NKAIN3: variants seen among roughly 807,000 people sequenced by gnomAD.
The protein encoded by NKAIN3 is sodium/potassium-transporting ATPase subunit beta-1-interacting protein 3.
Under a neutral mutation model 30.2 loss-of-function variants are expected in NKAIN3, and 25 were observed. That is an observed-to-expected ratio of 0.83 (90% CI 0.60 to 1.16). The LOEUF (loss-of-function observed/expected upper bound fraction) is 1.16, where lower values mean the gene tolerates loss of function less well. Ranked by LOEUF, NKAIN3 falls within the 50% of genes most tolerant of loss-of-function variation. The pLI is 0.00. For missense variants in NKAIN3, 225 were observed against 254.1 expected (o/e 0.89, Z 0.78); for synonymous variants, 91 against 89.6 (o/e 1.02, Z -0.09).
intron 1 of NKAIN3, among the ~76,000 whole-genome samples, chr8:62,254,452 A>T (rs2129387285): frequency 6.6e-6 from 1 of 152,244 alleles, no homozygotes; most frequent in East Asian, 1.9e-4. Flanking sequence ...TGAGTAGAGA[A>T]CAAGGAGCCA....
At chr8:62,680,156 C>T (rs1281044888) in intron 3 of NKAIN3, among the ~76,000 whole-genome samples, 1 of 152,116 alleles carries the variant, frequency 6.6e-6, no homozygotes, top group African/African-American at 2.4e-5. Flanking sequence ...TAGAGTAACC[C>T]CGGGCTAACA....
At chr8:62,293,146 G>C (rs1813708154) in intron 1 of NKAIN3, among the ~76,000 whole-genome samples, 1 of 151,862 alleles carries the variant, frequency 6.6e-6, no homozygotes, top group African/African-American at 2.4e-5. Flanking sequence ...CTTTTTTCAA[G>C]GTTTTTAGCT....
chr8:62,562,505 G>T lies in NKAIN3; in HGVS notation c.55-17034G>T, dbSNP rs1457024525. Among the ~76,000 whole-genome samples, 6 of 152,102 alleles carry T rather than the reference G, an allele frequency of 3.9e-5. No individual in the cohort carries two copies. The East Asian group carries it at 1.2e-3, about 29-fold the overall frequency. ...CCAAGGACACATTCTACTGTCAGTGGTTTACTGCAACTGTCAATGGTTTAC... is the reference window on the plus strand; with the variant it reads ...CCAAGGACACATTCTACTGTCAGTGTTTTACTGCAACTGTCAATGGTTTAC... On this transcript the variant is annotated intron_variant, in intron 1 of 6. Coordinates refer to ENST00000623646, the MANE Select transcript of NKAIN3 (RefSeq NM_001304533.3).
intron 1 of NKAIN3, among the ~76,000 whole-genome samples, chr8:62,354,759 C>T (rs1165912360): frequency 1.3e-5 from 2 of 152,118 alleles, no homozygotes; most frequent in Admixed American, 6.6e-5. Context: ...TTCTTATACA[C>T]GGAATGACAA....
chr8:62,607,949 C>A (rs567886905), intron 3 of NKAIN3, among the ~76,000 whole-genome samples: 2 of 152,234 alleles, frequency 1.3e-5, no homozygotes, highest in East Asian at 1.9e-4. Context: ...TCCTAGCAAG[C>A]ATAATCTTGC....
At chr8:62,336,914 G>C (rs1345591674) in intron 1 of NKAIN3, among the ~76,000 whole-genome samples, 1 of 152,050 alleles carries the variant, frequency 6.6e-6, no homozygotes, top group Non-Finnish European at 1.5e-5. Flanking sequence ...TACTCAGCCT[G>C]ACCACTGAAT....
intron 1 of NKAIN3, among the ~76,000 whole-genome samples, chr8:62,314,844 A>G (rs1814559678): frequency 6.6e-6 from 1 of 152,208 alleles, no homozygotes; most frequent in South Asian, 2.1e-4. Flanking sequence ...GCCAACTATT[A>G]TATGATGGGT....
intron 1 of NKAIN3, among the ~76,000 whole-genome samples, chr8:62,297,912 T>C (rs1585649883): frequency 6.6e-6 from 1 of 152,196 alleles, no homozygotes; most frequent in East Asian, 1.9e-4. Flanking sequence ...AGCAAAGACT[T>C]GGAACCAACC....
At chr8:62,642,842 C>T (rs1812349018) in intron 3 of NKAIN3, among the ~76,000 whole-genome samples, 1 of 151,450 alleles carries the variant, frequency 6.6e-6, no homozygotes. Flanking sequence ...AGTTTATATG[C>T]TAACATATTG....
intron 4 of NKAIN3, among the ~76,000 whole-genome samples, chr8:62,812,727 A>G (rs1818529920): frequency 1.3e-5 from 2 of 151,800 alleles, no homozygotes; most frequent in Non-Finnish European, 2.9e-5. Context: ...TTAGATTTCT[A>G]GAGAAATATA....
chr8:62,887,563 C>T (rs1821185233), intron 4 of NKAIN3, among the ~76,000 whole-genome samples: 1 of 151,880 alleles, frequency 6.6e-6, no homozygotes, highest in Admixed American at 6.6e-5. Flanking sequence ...TTTTAAATAA[C>T]TGTTATTGTT....
intron 1 of NKAIN3, among the ~76,000 whole-genome samples, chr8:62,515,657 G>A (rs539912247): frequency 8.5e-5 from 13 of 152,206 alleles, no homozygotes; most frequent in African/African-American, 3.1e-4. Flanking sequence ...ACCACGGATT[G>A]CTTTCCAGAA....
At chr8:62,844,793 G>A (rs951019753) in intron 4 of NKAIN3, among the ~76,000 whole-genome samples, 3 of 152,038 alleles carry the variant, frequency 2.0e-5, no homozygotes, top group Non-Finnish European at 4.4e-5. Flanking sequence ...CATTTTGGTG[G>A]CTGTCCCCAT....
intron 1 of NKAIN3, among the ~76,000 whole-genome samples, chr8:62,311,862 TGCAAAGTAAAAG>T (rs1350260406): frequency 6.6e-6 from 1 of 150,452 alleles, no homozygotes; most frequent in Non-Finnish European, 1.5e-5. Flanking sequence ...TCTCCCACTC[TGCAAAGTAAAAG>T]GCTAACTCTC....
intron 1 of NKAIN3, among the ~76,000 whole-genome samples, chr8:62,280,729 T>C (rs113221674): frequency 0.015 from 2,271 of 152,324 alleles, 29 homozygotes; most frequent in Non-Finnish European, 0.023. Flanking sequence ...TAAAGCCAAC[T>C]TGATCGTGGT....
At chr8:62,621,492 AAT>A (rs1811616815) in intron 3 of NKAIN3, among the ~76,000 whole-genome samples, 1 of 152,098 alleles carries the variant, frequency 6.6e-6, no homozygotes, top group Non-Finnish European at 1.5e-5. Flanking sequence ...GCTCAGCATA[AAT>A]ATAAATATAT....
At chr8:62,940,813 G>T in intron 5 of NKAIN3, among the ~76,000 whole-genome samples, 1 of 151,890 alleles carries the variant, frequency 6.6e-6, no homozygotes, top group Non-Finnish European at 1.5e-5. Context: ...ACATCAAAAA[G>T]TCTCAAAGAG....
chr8:62,508,309 G>C (rs1373954510), intron 1 of NKAIN3, among the ~76,000 whole-genome samples: 1 of 152,086 alleles, frequency 6.6e-6, no homozygotes, highest in Non-Finnish European at 1.5e-5. Context: ...AGTTATGGCA[G>C]GTTCTCCATT....
chr8:62,261,794 C>T (rs1365507749), intron 1 of NKAIN3, among the ~76,000 whole-genome samples: 1 of 152,140 alleles, frequency 6.6e-6, no homozygotes, highest in African/African-American at 2.4e-5. Flanking sequence ...ATCATTGTTA[C>T]AATGCGGAAC....
Sources: gnomAD v4.1 joint callset for allele counts (sites outside exome capture counted in the v4.1 genomes callset) on GRCh38, gnomAD v4.1.1 for gene constraint, MANE v1.5 for transcripts, NCBI Gene and HGNC (gene_info 2026-07-23, HGNC 2026-07-21) for gene names.